Variants in FAM117A observed in about 807,000 individuals in gnomAD.
FAM117A encodes protein FAM117A.
FAM117A carries 21 observed loss-of-function variants against 44.1 expected under a neutral mutation model. The observed-to-expected ratio is 0.48, with a 90% CI of 0.34 to 0.69. The LOEUF is 0.69. Ranked by LOEUF, FAM117A falls within the 30% of genes least tolerant of loss-of-function variation. The pLI, the probability that FAM117A is intolerant of heterozygous loss-of-function variation, is 0.01. For missense variants in FAM117A, 498 were observed against 589.9 expected, an observed-to-expected ratio of 0.84 and a Z score of 1.61; for synonymous variants, 220 against 238.3, an observed-to-expected ratio of 0.92 and a Z score of 0.71.
At chr17:49,785,509 C>T (rs2073803058) in intron 1 of FAM117A, among the ~76,000 whole-genome samples, 1 of 152,030 alleles carries the variant, frequency 6.6e-6, no homozygotes, top group African/African-American at 2.4e-5. Context: ...GAGACACTGT[C>T]TCTTAAAAAA....
Position 49,711,499 on chromosome 17 carries a change from T to C in FAM117A, c.1118A>G (p.His373Arg), listed in dbSNP as rs757447443. 1 of 1,614,016 alleles carries C rather than the reference T, an allele frequency of 6.2e-7. No individual in the cohort carries two copies. The highest frequency in any genetic ancestry group is 8.5e-7 in the Non-Finnish European group (1 of 1,180,000). The change falls in exon 8 of 8, where the codon CAT (histidine) becomes CGT (arginine). Residue 373 changes from histidine to arginine, a missense_variant. Coordinates refer to ENST00000240364, the MANE Select transcript of FAM117A (RefSeq NM_030802.4). ...LTSCPDKNKV[H>R]FNPTGSAFCP... ...GAAGGCTGAGCCAGTCGGGTTGAAA[T>C]GGACTTTGTTCTTGTCAGGACAGGA...
chr17:49,753,867 C>T (rs1256049770), intron 1 of FAM117A, among the ~76,000 whole-genome samples: 2 of 152,162 alleles, frequency 1.3e-5, no homozygotes, highest in African/African-American at 2.4e-5. Flanking sequence ...ATTTTTGGGC[C>T]TCTTAGAGTT....
chr17:49,744,881 G>C (rs1799017723), intron 1 of FAM117A, among the ~76,000 whole-genome samples: 1 of 151,336 alleles, frequency 6.6e-6, no homozygotes, highest in East Asian at 2.0e-4. Flanking sequence ...AAATTTGGTG[G>C]TATGTGCCTG....
chr17:49,761,320 G>A (rs2073721733), intron 1 of FAM117A, among the ~76,000 whole-genome samples: 1 of 152,168 alleles, frequency 6.6e-6, no homozygotes, highest in African/African-American at 2.4e-5. Flanking sequence ...TGCAGTACTG[G>A]TTTCAGATCA....
At chr17:49,724,252 A>G (rs985037596) in intron 2 of FAM117A, 4 of 434,858 alleles carry the variant, frequency 9.2e-6, no homozygotes, top group Non-Finnish European at 1.9e-5. Context: ...AAAGATGACT[A>G]CCTCTGCTAA....
chr17:49,737,916 C>T (rs2073617781), intron 1 of FAM117A, among the ~76,000 whole-genome samples: 2 of 152,210 alleles, frequency 1.3e-5, no homozygotes, highest in South Asian at 2.1e-4. Flanking sequence ...CTATCAGGGA[C>T]ACCCTCTGAG....
chr17:49,783,595 T>A (rs1225278536), intron 1 of FAM117A, among the ~76,000 whole-genome samples: 2 of 152,040 alleles, frequency 1.3e-5, no homozygotes, highest in Non-Finnish European at 2.9e-5. Flanking sequence ...GTGGCCAGAA[T>A]GTAAGAGAAG....
intron 1 of FAM117A, among the ~76,000 whole-genome samples, chr17:49,748,124 T>C (rs368375345): frequency 4.6e-5 from 7 of 152,216 alleles, no homozygotes; most frequent in Non-Finnish European, 4.4e-5. Context: ...TCTTCCCCTG[T>C]ATATGATGGG....
In FAM117A at chr17:49,714,299, A is replaced by G. The variant is rs551950704; in HGVS notation, c.1061+1866T>C. Among the ~76,000 whole-genome samples the G allele has an allele frequency of 1.7e-4, 26 of 151,904 alleles. No homozygotes were observed. In the East Asian group the frequency reaches 4.1e-3, roughly 24 times the overall value. On this transcript the variant is annotated intron_variant, in intron 7 of 7. Transcript: ENST00000240364. ...TGAACTACAGAATTTAAATCCCGGCATATCTTAGAAAATCACTGATGGATC... is the reference window on the plus strand; with the variant it reads ...TGAACTACAGAATTTAAATCCCGGCGTATCTTAGAAAATCACTGATGGATC...
intron 1 of FAM117A, among the ~76,000 whole-genome samples, chr17:49,780,572 G>A (rs901594836): frequency 1.1e-4 from 17 of 152,168 alleles, no homozygotes; most frequent in African/African-American, 4.1e-4. Context: ...GTTTTCCCAT[G>A]TTGGGCAGGC....
rs1192258113 is a variant in FAM117A at position 49,720,030 on chromosome 17, T to C, written c.574-136A>G. The C allele has an allele frequency of 2.4e-6, 3 of 1,240,554 alleles. No individual in the cohort carries two copies. The African/African-American group carries it at 4.6e-5, about 19-fold the overall frequency. The allele number at this position is 1,240,554 out of a possible 1,614,324, so 76.8% of individuals were successfully genotyped here. On this transcript the variant is annotated intron_variant, in intron 4 of 7. Transcript: ENST00000240364. ...AGGGTGATTTGGGGACAGTTACAGATTGCAATAGGTCCACTCAGGGCAGTT... is the reference window on the plus strand; with the variant it reads ...AGGGTGATTTGGGGACAGTTACAGACTGCAATAGGTCCACTCAGGGCAGTT...
intron 1 of FAM117A, among the ~76,000 whole-genome samples, chr17:49,770,621 C>T (rs995996716): frequency 2.0e-5 from 3 of 151,912 alleles, no homozygotes; most frequent in Non-Finnish European, 4.4e-5. Context: ...ATAATAGAAT[C>T]GGCCAGGCGT....
rs759834758 is a variant in FAM117A, at chr17:49,717,646, G to A, written c.777C>T (p.Leu259=). 18 of 1,614,018 alleles carry A rather than the reference G, an allele frequency of 1.1e-5. No homozygotes were observed. Among genetic ancestry groups the A allele is most frequent in the Non-Finnish European group, 1.4e-5 (17 of 1,179,984 alleles). ...PPQSGSCDHP[L]LLLEPGNLAS... is the part of the protein sequence containing the mutation. ...CAAGGTTGCCAGGCTCCAGGAGGAG[G>A]AGGGGATGATCACAGCTGCCACTCT... Residue 259 remains leucine, a synonymous_variant, in exon 6 of 8, where the codon CTC becomes CTT. Coordinates refer to ENST00000240364, the MANE Select transcript of FAM117A (RefSeq NM_030802.4).
At chr17:49,788,409 A>T (rs1269372545) in intron 1 of FAM117A, 6 of 177,546 alleles carry the variant, frequency 3.4e-5, no homozygotes, top group Non-Finnish European at 4.7e-5. Flanking sequence ...ATTTTGCCCA[A>T]GGTAAAGATG....
chr17:49,732,782 A>C (rs1598024905), intron 1 of FAM117A, 62 bp from the exon 2 acceptor site: 1 of 1,532,298 alleles, frequency 6.5e-7, no homozygotes, highest in Admixed American at 1.9e-5. Context: ...CGTGGCAATC[A>C]CCTTCCTCTT....
chr17:49,726,312 A>C (rs923420890), intron 2 of FAM117A, among the ~76,000 whole-genome samples: 5 of 152,120 alleles, frequency 3.3e-5, no homozygotes, highest in African/African-American at 1.2e-4. Flanking sequence ...TCACGGGTTC[A>C]AGCGATTATC....
chr17:49,751,991 C>T (rs911432087), intron 1 of FAM117A, among the ~76,000 whole-genome samples: 3 of 149,480 alleles, frequency 2.0e-5, no homozygotes, highest in African/African-American at 4.9e-5. Context: ...TGCAATGGCT[C>T]ACGCCTGCAA....
At chr17:49,779,587 A>AC (rs1211238563) in intron 1 of FAM117A, among the ~76,000 whole-genome samples, 6 of 151,958 alleles carry the variant, frequency 3.9e-5, no homozygotes, top group Non-Finnish European at 4.4e-5. Flanking sequence ...TATCATGTGT[A>AC]CCCCCCATTT....
At chr17:49,783,550 G>T (rs1252862864) in intron 1 of FAM117A, among the ~76,000 whole-genome samples, 1 of 152,160 alleles carries the variant, frequency 6.6e-6, no homozygotes, top group Non-Finnish European at 1.5e-5. Context: ...TGGGGCTGCG[G>T]GTGGGGGCTA....
Sources: gnomAD v4.1 joint callset for allele counts (sites outside exome capture counted in the v4.1 genomes callset) on GRCh38, gnomAD v4.1.1 for gene constraint, MANE v1.5 for transcripts, NCBI Gene and HGNC (gene_info 2026-07-23, HGNC 2026-07-21) for gene names.